The following NUSAP1 variants were observed in gnomAD, a reference collection of about 807,000 sequenced individuals.
The protein encoded by NUSAP1 is nucleolar and spindle associated protein 1, also known as nucleolar and spindle-associated protein 1.
In NUSAP1, 32 loss-of-function variants were observed where a neutral mutation model predicts 52.8. That is an observed-to-expected ratio of 0.61 (90% confidence interval 0.46 to 0.81). The LOEUF (loss-of-function observed/expected upper bound fraction) is 0.81, where lower values mean the gene tolerates loss of function less well. Among genes scored for constraint, NUSAP1 ranks in the 40% least tolerant of loss-of-function variants. NUSAP1 has a pLI of 0.00. For missense variants in NUSAP1, 499 were observed against 522.3 expected, an observed-to-expected ratio of 0.96 and a Z score of 0.43; for synonymous variants, 195 against 183.1, an observed-to-expected ratio of 1.06 and a Z score of -0.52.
chr15:41,345,609 G>C, intron 2 of NUSAP1: 1 of 309,090 alleles, frequency 3.2e-6, no homozygotes, highest in Non-Finnish European at 6.2e-6. Context: ...ACAGGCATGC[G>C]CCACCACACC....
chr15:41,343,379 C>T (rs751748128), intron 2 of NUSAP1: 1 of 152,130 alleles, frequency 6.6e-6, no homozygotes, highest in Non-Finnish European at 1.5e-5. Flanking sequence ...GTTGTTGAGA[C>T]AGAATCTTGC....
rs765378294 is a variant in NUSAP1 at position 41,333,070 on chromosome 15, G to T, written c.93+20G>T. The T allele has an allele frequency of 1.3e-6, 2 of 1,592,924 alleles. No homozygotes were observed. The highest frequency in any genetic ancestry group is 1.3e-5 in the African/African-American group (1 of 74,424). On this transcript the variant is annotated intron_variant, in intron 1 of 10. Transcript: ENST00000559596. Reference sequence around the variant, plus strand: ...CTGAGGGTACGGCGCTGGCGGTGCGGGTCCCTGGGCGGGCGCGGCGGGAAT... The same window carrying T: ...CTGAGGGTACGGCGCTGGCGGTGCGTGTCCCTGGGCGGGCGCGGCGGGAAT...
At chr15:41,352,331 A>C (rs1232015030) in intron 4 of NUSAP1, among the ~76,000 whole-genome samples, 1 of 152,150 alleles carries the variant, frequency 6.6e-6, no homozygotes, top group Non-Finnish European at 1.5e-5. Context: ...TCTCAGTATT[A>C]GTTTCACCTG....
intron 4 of NUSAP1, 131 bp downstream of exon 4, chr15:41,351,260 TAC>T: frequency 3.5e-6 from 3 of 859,138 alleles, no homozygotes. Flanking sequence ...AACAGAAATT[TAC>T]TCTTTCATAG....
intron 7 of NUSAP1, 58 bp downstream of exon 7, chr15:41,365,647 A>C: frequency 7.3e-7 from 1 of 1,378,848 alleles, no homozygotes. Flanking sequence ...ACTATATAAA[A>C]AAAAAATTTT....
At chr15:41,375,916 A>G in intron 9 of NUSAP1, 88 bp downstream of exon 9, 1 of 871,706 alleles carries the variant, frequency 1.1e-6, no homozygotes, top group East Asian at 2.5e-5. Context: ...ACATACAAAA[A>G]TTAGCCAGGC....
At chr15:41,350,311 CTTGTG>C (rs2048732674) in intron 3 of NUSAP1, among the ~76,000 whole-genome samples, 1 of 152,118 alleles carries the variant, frequency 6.6e-6, no homozygotes, top group East Asian at 1.9e-4. Flanking sequence ...CGTAACATAA[CTTGTG>C]ACTTAGCCAG....
chr15:41,379,758 G>C (rs1595621493), intron 10 of NUSAP1, among the ~76,000 whole-genome samples: 1 of 152,004 alleles, frequency 6.6e-6, no homozygotes, highest in Non-Finnish European at 1.5e-5. Flanking sequence ...TTTTGGCCAG[G>C]CTGGTCTCGA....
At chr15:41,350,290 A>G (rs1413154724) in intron 3 of NUSAP1, among the ~76,000 whole-genome samples, 1 of 152,212 alleles carries the variant, frequency 6.6e-6, no homozygotes, top group Non-Finnish European at 1.5e-5. Flanking sequence ...AACAGGTTAC[A>G]TAATCTATAG....
intron 10 of NUSAP1, among the ~76,000 whole-genome samples, chr15:41,378,224 C>T (rs71472480): frequency 3.3e-5 from 5 of 152,142 alleles, no homozygotes; most frequent in African/African-American, 4.8e-5. Context: ...GCCCAGCAGC[C>T]CAGGGCACCT....
chr15:41,368,137 TAGTC>T (rs1366261855), intron 7 of NUSAP1, among the ~76,000 whole-genome samples: 3 of 152,204 alleles, frequency 2.0e-5, no homozygotes, highest in African/African-American at 7.2e-5. Context: ...CAGGCATCTC[TAGTC>T]AGCCATCTTG....
At chr15:41,358,922 G>A (rs2049069493) in intron 6 of NUSAP1, among the ~76,000 whole-genome samples, 1 of 152,150 alleles carries the variant, frequency 6.6e-6, no homozygotes, top group Admixed American at 6.6e-5. Flanking sequence ...TGGCAAACCT[G>A]AAGGGTTCCT....
At chr15:41,356,860 A>C (rs1296775134) in intron 5 of NUSAP1, among the ~76,000 whole-genome samples, 1 of 152,126 alleles carries the variant, frequency 6.6e-6, no homozygotes, top group Non-Finnish European at 1.5e-5. Flanking sequence ...AGTCTTCTCT[A>C]TCTTATATTG....
chr15:41,367,041 G>A (rs981829883), intron 7 of NUSAP1, among the ~76,000 whole-genome samples: 3 of 152,232 alleles, frequency 2.0e-5, no homozygotes, highest in Admixed American at 6.5e-5. Context: ...GGCTAAGAGA[G>A]TTGGTGGTGA....
intron 7 of NUSAP1, 122 bp downstream of exon 7, chr15:41,365,711 T>C: frequency 4.5e-6 from 3 of 659,964 alleles, no homozygotes; most frequent in Non-Finnish European, 6.8e-6. Flanking sequence ...GATGTTTCTT[T>C]TCTTTTCTTT....
rs141756922 is a variant in NUSAP1 at position 41,342,138 on chromosome 15, C to A, written c.94-248C>A. 4.1e-3 allele frequency among the ~76,000 whole-genome samples: 618 copies of A among 152,336 alleles called. 5 individuals carry two copies. The highest frequency in any genetic ancestry group is 0.014 in the African/African-American group (595 of 41,576). ...TTTGATGGCCATGCCTACCTATGTT[C>A]TCATGACAGCCTGAGCCTCCTAGCG... On this transcript the variant is annotated intron_variant, in intron 1 of 10. Coordinates refer to ENST00000559596, the MANE Select transcript of NUSAP1 (RefSeq NM_016359.5).
At chr15:41,376,297 G>A (rs2049931186) in intron 9 of NUSAP1, among the ~76,000 whole-genome samples, 2 of 151,988 alleles carry the variant, frequency 1.3e-5, no homozygotes, top group Non-Finnish European at 1.5e-5. Context: ...TACTTGGGAG[G>A]CTGAGGCAGG....
rs1451706559 is a variant in NUSAP1 at position 41,351,117 on chromosome 15, G to T, written c.436G>T (p.Ala146Ser). ...AGACGAGCACCAAGAAGCTGAGAAT[G>T]CTGTTTCCTCAGGTAAACGTGGAAT... ...PPDEHQEAEN[A>S]VSSGNRDSKV... The change falls in exon 4 of 11, where the codon GCT becomes TCT. Residue 146 changes from alanine (A) to serine (S), a missense_variant. By Grantham distance (99) the Ala-to-Ser change is moderately conservative (BLOSUM62 1). Coordinates refer to ENST00000559596, the MANE Select transcript of NUSAP1 (RefSeq NM_016359.5). 3 of 1,611,480 alleles carry T rather than the reference G, an allele frequency of 1.9e-6. No individual in the cohort carries two copies. The East Asian group carries it at 6.7e-5, about 36-fold the overall frequency.
In NUSAP1 at chr15:41,349,484, T is replaced by C. The variant is rs1322869851; in HGVS notation, c.306+243T>C. The C allele has an allele frequency of 2.1e-5, 8 of 377,840 alleles. No individual in the cohort carries two copies. In the Admixed American group the frequency reaches 3.1e-4, roughly 15 times the overall value. 23.4% of individuals were successfully genotyped at this position (377,840 alleles called of 1,614,324 possible). On this transcript the variant is annotated intron_variant, in intron 3 of 10. Coordinates refer to ENST00000559596, the MANE Select transcript of NUSAP1 (RefSeq NM_016359.5). ...AATATTTGTTGTATAAATATGAACA[T>C]TCATTGAGTGTTCACTTAAGTGAGG...
Sources: gnomAD v4.1 joint callset for allele counts (sites outside exome capture counted in the v4.1 genomes callset) on GRCh38, gnomAD v4.1.1 for gene constraint, MANE v1.5 for transcripts, NCBI Gene and HGNC (gene_info 2026-07-23, HGNC 2026-07-21) for gene names.